Variants in CLIC5 observed in about 807,000 individuals in gnomAD.
The protein encoded by CLIC5 is chloride intracellular channel protein 5.
In CLIC5, 20 loss-of-function variants were observed where a neutral mutation model predicts 24.7. The observed-to-expected ratio is 0.81, with a 90% CI of 0.57 to 1.18. CLIC5 has a LOEUF of 1.18. Among genes scored for constraint, CLIC5 ranks in the 50% most tolerant of loss-of-function variants. The pLI is 0.00. For missense variants in CLIC5, 341 were observed against 326.1 expected (o/e 1.05, Z -0.35); for synonymous variants, 159 against 135.6 (o/e 1.17, Z -1.20).
Position 45,990,978 on chromosome 6 carries a change from G to A in CLIC5, c.63+24502C>T, listed in dbSNP as rs181851383. Reference sequence around the variant, plus strand: ...GTCTCTCCTCAAGCTGTCCATGTGAGGATTAGATGAAGCATCTGGCTACTG... The same window carrying A: ...GTCTCTCCTCAAGCTGTCCATGTGAAGATTAGATGAAGCATCTGGCTACTG... On this transcript the variant is annotated intron_variant, in intron 1 of 5. Coordinates refer to ENST00000339561, the MANE Select transcript of CLIC5 (RefSeq NM_016929.5). 2.1e-3 allele frequency among the ~76,000 whole-genome samples: 321 copies of A among 152,286 alleles called. 1 individual carries two copies. The highest frequency in any genetic ancestry group is 7.4e-3 in the African/African-American group (306 of 41,562).
At chr6:46,024,787 T>A (rs1767283965) in intron 1 of CLIC5, among the ~76,000 whole-genome samples, 1 of 152,178 alleles carries the variant, frequency 6.6e-6, no homozygotes, top group Non-Finnish European at 1.5e-5. Flanking sequence ...ACCTCATGGC[T>A]ATTAGAAGGT....
intron 1 of CLIC5, among the ~76,000 whole-genome samples, chr6:46,010,130 G>T (rs1367931635): frequency 6.6e-6 from 1 of 152,152 alleles, no homozygotes; most frequent in Non-Finnish European, 1.5e-5. Flanking sequence ...GACCTGCTTT[G>T]GAAACTTACA....
chr6:45,971,444 AG>A (rs1765198165), intron 1 of CLIC5, among the ~76,000 whole-genome samples: 1 of 152,212 alleles, frequency 6.6e-6, no homozygotes, highest in African/African-American at 2.4e-5. Flanking sequence ...CTCTTAAGCC[AG>A]GGTGAGCCAA....
chr6:45,914,489 C>G, intron 4 of CLIC5, 80 bp from the exon 5 acceptor site: 1 of 1,394,396 alleles, frequency 7.2e-7, no homozygotes, highest in Non-Finnish European at 9.4e-7. Context: ...AGTGGAGTAG[C>G]TCATCTAGAA....
intron 1 of CLIC5, among the ~76,000 whole-genome samples, chr6:46,007,097 C>T (rs774391948): frequency 2.6e-5 from 4 of 152,206 alleles, no homozygotes; most frequent in African/African-American, 9.7e-5. Context: ...TAGCCCTGAG[C>T]CCCTGTGATC....
intron 4 of CLIC5, among the ~76,000 whole-genome samples, chr6:45,926,308 T>C (rs4599638): frequency 0.46 from 68,993 of 150,288 alleles, 16,992 homozygotes; most frequent in African/African-American, 0.64. Flanking sequence ...AGTGCAGTGG[T>C]GTGATCTCGG....
At chr6:45,897,561 C>T (rs1295400653), downstream of CLIC5, among the ~76,000 whole-genome samples, 1 of 152,112 alleles carries the variant, frequency 6.6e-6, no homozygotes, top group Non-Finnish European at 1.5e-5. Context: ...CCCTAGCTGC[C>T]CCTCCCATCA....
the CLIC5 span, among the ~76,000 whole-genome samples, chr6:46,091,050 G>A: frequency 2.0e-5 from 3 of 152,186 alleles, no homozygotes; most frequent in Non-Finnish European, 2.9e-5. Context: ...CCACATGGCA[G>A]CGCGAAGTTG....
chr6:45,899,852 A>G lies in CLIC5; in HGVS notation c.*3236T>C, dbSNP rs998316627. On this transcript the variant is annotated 3_prime_UTR_variant, in exon 6 of 6. Coordinates refer to ENST00000339561, the MANE Select transcript of CLIC5 (RefSeq NM_016929.5). ...GGACAGGGCCATTTCCCAAGATAAAACTAGTTTGGGATCGTGTGGCCAAAT... is the reference window on the plus strand; with the variant it reads ...GGACAGGGCCATTTCCCAAGATAAAGCTAGTTTGGGATCGTGTGGCCAAAT... The G allele has an allele frequency of 2.6e-5, 4 of 152,134 alleles. No homozygotes were observed. The highest frequency in any genetic ancestry group is 5.9e-5 in the Non-Finnish European group (4 of 68,030). The allele number at this position is 152,134 out of a possible 1,614,324, so 9.4% of individuals were successfully genotyped here. A position where few individuals can be genotyped will look rare whatever the true frequency, so the allele number is the denominator to read the frequency against.
chr6:46,125,690 C>T, the CLIC5 span, among the ~76,000 whole-genome samples: 1 of 151,666 alleles, frequency 6.6e-6, no homozygotes, highest in African/African-American at 2.4e-5. Context: ...TAACTTGGAC[C>T]CACGTGCTCA....
chr6:45,979,039 A>G (rs1183527604), intron 1 of CLIC5, among the ~76,000 whole-genome samples: 2 of 152,012 alleles, frequency 1.3e-5, no homozygotes, highest in Non-Finnish European at 2.9e-5. Flanking sequence ...AAAAATGCAC[A>G]ACAGGGTGGG....
rs1016421765 is a variant in CLIC5, at chr6:45,936,315, CT to C, written c.406+5231del. Among the ~76,000 whole-genome samples the C allele has an allele frequency of 2.7e-5, 4 of 150,688 alleles. No homozygotes were observed. In the Admixed American group the frequency reaches 2.7e-4, roughly 10 times the overall value. ...CGCCTCCCGGGTTCAAGTGATTCTC[CT>C]GCCTCGGCCTCCTGAGTAGCTGGGA... is the stretch of plus-strand genomic sequence containing the variant. On this transcript the variant is annotated intron_variant, in intron 4 of 5. Coordinates refer to ENST00000339561, the MANE Select transcript of CLIC5 (RefSeq NM_016929.5).
chr6:45,882,282 G>T (rs1762270671), intron 6 of CLIC5, among the ~76,000 whole-genome samples: 1 of 152,192 alleles, frequency 6.6e-6, no homozygotes, highest in African/African-American at 2.4e-5. Context: ...CTGCATAGAA[G>T]CCACAATAGC....
At chr6:45,998,823 G>C (rs1431292186) in intron 1 of CLIC5, among the ~76,000 whole-genome samples, 1 of 152,172 alleles carries the variant, frequency 6.6e-6, no homozygotes, top group Non-Finnish European at 1.5e-5. Flanking sequence ...AGGGTACCTA[G>C]GTCAGCGATC....
At chr6:45,956,377 A>G (rs1764642426) in intron 1 of CLIC5, among the ~76,000 whole-genome samples, 1 of 151,872 alleles carries the variant, frequency 6.6e-6, no homozygotes, top group Non-Finnish European at 1.5e-5. Context: ...AGGGCATTCC[A>G]CTGACAGGAA....
chr6:46,102,509 G>C, the CLIC5 span: 1 of 152,186 alleles, frequency 6.6e-6, no homozygotes, highest in Non-Finnish European at 1.5e-5. Context: ...GCTGGCTTTG[G>C]GGAAAAGGGA....
At chr6:45,949,131 G>T (rs1377923487) in intron 3 of CLIC5, 125 bp downstream of exon 3, 7 of 1,258,872 alleles carry the variant, frequency 5.6e-6, no homozygotes, top group Non-Finnish European at 7.6e-6. Context: ...TTGAAGAAAG[G>T]GTCCTGTTCT....
upstream of CLIC5, among the ~76,000 whole-genome samples, chr6:46,020,428 C>T (rs756288236): frequency 6.6e-5 from 10 of 151,878 alleles, no homozygotes; most frequent in Non-Finnish European, 8.8e-5. Flanking sequence ...GCTAAAGCAA[C>T]GCTTAGTAGA....
the CLIC5 span, among the ~76,000 whole-genome samples, chr6:46,128,468 C>A: frequency 6.6e-6 from 1 of 152,198 alleles, no homozygotes; most frequent in African/African-American, 2.4e-5. Context: ...TACCTAAATT[C>A]CCCCAAAACT....
Sources: gnomAD v4.1 joint callset for allele counts (sites outside exome capture counted in the v4.1 genomes callset) on GRCh38, gnomAD v4.1.1 for gene constraint, MANE v1.5 for transcripts, NCBI Gene and HGNC (gene_info 2026-07-23, HGNC 2026-07-21) for gene names.